The following MKRN2 variants were observed in gnomAD, a reference collection of about 807,000 sequenced individuals.
The protein encoded by MKRN2 is makorin ring finger protein 2.
A neutral mutation model predicts 45.4 loss-of-function variants in MKRN2; 32 were observed. The ratio of observed to expected loss-of-function variants is 0.70; its 90% CI spans 0.53 to 0.95. The LOEUF (loss-of-function observed/expected upper bound fraction) is 0.95. Among genes scored for constraint, MKRN2 ranks in the 40% least tolerant of loss-of-function variants. The probability of loss-of-function intolerance (pLI) is 0.00; values close to 1 mark genes in which losing one functional copy is unlikely to be tolerated. For missense variants in MKRN2, 526 were observed against 536.7 expected (o/e 0.98, Z 0.20); for synonymous variants, 206 against 192.4 (o/e 1.07, Z -0.59).
chr3:12,581,778 G>A (rs1465825438), intron 6 of MKRN2, 30 bp from the exon 7 acceptor site: 15 of 1,611,776 alleles, frequency 9.3e-6, no homozygotes, highest in Non-Finnish European at 1.2e-5. Flanking sequence ...TTTCCCACCA[G>A]CCTCTTGACT....
intron 1 of MKRN2, among the ~76,000 whole-genome samples, chr3:12,557,469 G>A (rs1575512937): frequency 1.3e-5 from 2 of 152,250 alleles, no homozygotes; most frequent in East Asian, 3.8e-4. Context: ...CGTGCAGGAT[G>A]CCGGGGCGCT....
rs1465698217 is a variant in MKRN2, at chr3:12,570,229, G to C, written c.314G>C (p.Arg105Thr). The change falls in exon 3 of 8, where the codon AGA (arginine) becomes ACA (threonine). Residue 105 changes from arginine to threonine, a missense_variant. Transcript: ENST00000170447. ...CATGAACCCGGAAAGCGTGAAAAGAGAACATTGGTTCTTAGAGACCGAAGT... is the reference window on the plus strand; with the variant it reads ...CATGAACCCGGAAAGCGTGAAAAGACAACATTGGTTCTTAGAGACCGAAGT... ...NSHEPGKREK[R>T]TLVLRDRNLS... is the part of the protein sequence containing the mutation. 1 of 1,613,932 alleles carries C rather than the reference G, an allele frequency of 6.2e-7. No homozygotes were observed. Among genetic ancestry groups the C allele is most frequent in the African/African-American group, 1.3e-5 (1 of 74,910 alleles).
intron 5 of MKRN2, 28 bp downstream of exon 5, chr3:12,575,034 G>A (rs3773341): frequency 0.32 from 508,259 of 1,589,424 alleles, 89,565 homozygotes; most frequent in East Asian, 0.61. Flanking sequence ...TCTTAGCTGT[G>A]GGAGCTAGGA....
Position 12,574,882 on chromosome 3 carries a change from A to G in MKRN2, c.733A>G (p.Ile245Val). 2 of 1,614,184 alleles carry G rather than the reference A, an allele frequency of 1.2e-6. No individual in the cohort carries two copies. The highest frequency in any genetic ancestry group is 1.7e-6 in the Non-Finnish European group (2 of 1,180,018). Residue 245 changes from isoleucine to valine, a missense_variant, in exon 5 of 8, where the codon ATC becomes GTC. By Grantham distance (29) the Ile-to-Val change is conservative. Transcript: ENST00000170447. The part of the protein sequence containing the change: ...DKVCSICMEV[I>V]LEKASASERR... Reference sequence around the variant, plus strand: ...AGTGTGCAGTATCTGCATGGAAGTGATCCTGGAGAAGGCCTCTGCTTCTGA... The same window carrying G: ...AGTGTGCAGTATCTGCATGGAAGTGGTCCTGGAGAAGGCCTCTGCTTCTGA...
chr3:12,561,612 C>G (rs1239475525), intron 1 of MKRN2, among the ~76,000 whole-genome samples: 1 of 152,152 alleles, frequency 6.6e-6, no homozygotes, highest in East Asian at 1.9e-4. Context: ...TAGCAAGATC[C>G]TGTCTCTACC....
At chr3:12,578,716 G>T (rs1360420556) in intron 6 of MKRN2, among the ~76,000 whole-genome samples, 1 of 152,124 alleles carries the variant, frequency 6.6e-6, no homozygotes, top group Non-Finnish European at 1.5e-5. Flanking sequence ...GGTGCCTTCA[G>T]GTCTTCTTGA....
rs1426019500 is a variant in MKRN2, at chr3:12,576,625, T to C, written c.858-6T>C. The stretch of plus-strand genomic sequence containing the variant: ...TTCTCCCTTAGTAATCTAATTCTTA[T>C]TTCAGGTCTTGTCCAGAATGCCGTG... On this transcript the variant is annotated splice_polypyrimidine_tract_variant and splice_region_variant and intron_variant, in intron 5 of 7. Coordinates refer to ENST00000170447, the MANE Select transcript of MKRN2 (RefSeq NM_014160.5). The C allele has an allele frequency of 1.3e-6, 2 of 1,576,432 alleles. No individual in the cohort carries two copies. Among genetic ancestry groups the C allele is most frequent in the Non-Finnish European group, 1.7e-6 (2 of 1,146,572 alleles).
At chr3:12,576,578 T>C (rs1311360235) in intron 5 of MKRN2, 53 bp from the exon 6 acceptor site, 3 of 1,306,558 alleles carry the variant, frequency 2.3e-6, no homozygotes, top group Middle Eastern at 1.8e-4. Flanking sequence ...GCAGAGAGTG[T>C]GCCCAGGCTT....
intron 5 of MKRN2, among the ~76,000 whole-genome samples, chr3:12,575,966 ATGC>A (rs1200762042): frequency 6.6e-6 from 1 of 152,154 alleles, no homozygotes; most frequent in African/African-American, 2.4e-5. Context: ...ATTATGAATA[ATGC>A]TGCTGTCAAC....
At chr3:12,576,933 G>GT (rs71063832) in intron 6 of MKRN2, 192 bp downstream of exon 6, 6,931 of 56,472 alleles carry the variant, frequency 0.12, 829 homozygotes, top group Admixed American at 0.15. Context: ...TAGTTTTGGT[G>GT]TTTTTTTTTT....
chr3:12,569,107 A>G (rs1245334390), intron 2 of MKRN2, 104 bp downstream of exon 2: 1 of 1,353,608 alleles, frequency 7.4e-7, no homozygotes, highest in African/African-American at 1.5e-5. Flanking sequence ...GCAACATCAC[A>G]AAAAGTATGG....
intron 1 of MKRN2, 106 bp downstream of exon 1, chr3:12,557,282 G>C: frequency 1.4e-6 from 2 of 1,429,948 alleles, no homozygotes; most frequent in Admixed American, 2.3e-5. Flanking sequence ...GCGGGACTCG[G>C]AAAGTTACTC....
intron 1 of MKRN2, among the ~76,000 whole-genome samples, chr3:12,566,977 G>C (rs577668906): frequency 6.6e-6 from 1 of 152,266 alleles, no homozygotes; most frequent in Admixed American, 6.5e-5. Flanking sequence ...AGCATATTGA[G>C]CATATGTATA....
At chr3:12,559,113 T>C (rs1036047407) in intron 1 of MKRN2, among the ~76,000 whole-genome samples, 1 of 152,226 alleles carries the variant, frequency 6.6e-6, no homozygotes, top group Non-Finnish European at 1.5e-5. Flanking sequence ...CATACAAGGA[T>C]ATGTAAAACT....
intron 2 of MKRN2, 75 bp from the exon 3 acceptor site, chr3:12,569,996 C>T: frequency 7.2e-7 from 1 of 1,381,332 alleles, no homozygotes; most frequent in Admixed American, 2.3e-5. Flanking sequence ...GAAGGAGGGC[C>T]ATTGGCATCT....
At position 12,581,796 on chromosome 3, in the gene MKRN2, T is replaced by C; in HGVS notation, c.969-12T>C. On this transcript the variant is annotated splice_polypyrimidine_tract_variant and intron_variant, in intron 6 of 7. Transcript: ENST00000170447. ...CCCACCAGCCTCTTGACTTTTTCTT[T>C]CTGCTTTTCAGGAAAAAAGCCTGTA... The C allele has an allele frequency of 6.2e-7, 1 of 1,613,512 alleles. No individual in the cohort carries two copies. Among genetic ancestry groups the C allele is most frequent in the Non-Finnish European group, 8.5e-7 (1 of 1,179,780 alleles).
At position 12,582,128 on chromosome 3, in the gene MKRN2, G is replaced by A; in HGVS notation, c.1126G>A (p.Val376Met). Residue 376 changes from valine (V) to methionine (M), a missense_variant, in exon 8 of 8, where the codon GTG becomes ATG. Val to Met is a conservative substitution (Grantham distance 21). Transcript: ENST00000170447. ...GCTGTTTTTGCAGTTCTTTAATTCAGTGCGGCTCTGGGATTTCATCGAGAA... is the reference window on the plus strand; with the variant it reads ...GCTGTTTTTGCAGTTCTTTAATTCAATGCGGCTCTGGGATTTCATCGAGAA... ...SQGTVRFFNSVRLWDFIENRE... is the reference protein window; with the variant it reads ...SQGTVRFFNSMRLWDFIENRE... 2 of 1,614,148 alleles carry A rather than the reference G, an allele frequency of 1.2e-6. No homozygotes were observed. The highest frequency in any genetic ancestry group is 1.3e-5 in the African/African-American group (1 of 75,042).
At chr3:12,579,777 A>C (rs1175611459) in intron 6 of MKRN2, among the ~76,000 whole-genome samples, 1 of 152,172 alleles carries the variant, frequency 6.6e-6, no homozygotes, top group Admixed American at 6.5e-5. Flanking sequence ...TCTAAGGGAC[A>C]CTTGAATCCC....
chr3:12,571,622 G>T (rs2058100072), intron 3 of MKRN2, among the ~76,000 whole-genome samples: 1 of 152,150 alleles, frequency 6.6e-6, no homozygotes, highest in African/African-American at 2.4e-5. Context: ...CTGGCCTCAG[G>T]ACCCACAGAT....
Sources: allele counts gnomAD v4.1 joint callset (sites outside exome capture counted in the v4.1 genomes callset), GRCh38; gene constraint gnomAD v4.1.1; transcripts MANE v1.5; gene names NCBI Gene and HGNC (gene_info 2026-07-23, HGNC 2026-07-21).